The following ESRRB variants were observed in gnomAD, a reference collection of about 807,000 sequenced individuals.
ESRRB encodes estrogen related receptor beta, also known as steroid hormone receptor ERR2.
In ESRRB, 16 loss-of-function variants were observed where a neutral mutation model predicts 46.0. The observed-to-expected ratio is 0.35, with a 90% CI of 0.24 to 0.53. The LOEUF is 0.53. Ranked by LOEUF, ESRRB falls within the 20% of genes least tolerant of loss-of-function variation. The pLI is 0.93. For synonymous variants in ESRRB, 246 were observed against 259.6 expected, an observed-to-expected ratio of 0.95 and a Z score of 0.50; for missense variants, 488 against 607.4, an observed-to-expected ratio of 0.80 and a Z score of 2.07.
intron 1 of ESRRB, among the ~76,000 whole-genome samples, chr14:76,354,779 A>G (rs1265517495): frequency 6.9e-6 from 1 of 145,206 alleles, no homozygotes; most frequent in Non-Finnish European, 1.5e-5. Context: ...GCTCGATCTC[A>G]GCTCACTGCA....
chr14:76,441,294 AC>A (rs1887912410), intron 2 of ESRRB, among the ~76,000 whole-genome samples: 1 of 152,200 alleles, frequency 6.6e-6, no homozygotes, highest in Non-Finnish European at 1.5e-5. Context: ...TTCTGTGGGT[AC>A]TAGAGTCAAT....
At chr14:76,411,828 T>C (rs1886456461) in intron 1 of ESRRB, among the ~76,000 whole-genome samples, 1 of 152,230 alleles carries the variant, frequency 6.6e-6, no homozygotes, top group Non-Finnish European at 1.5e-5. Flanking sequence ...ATCTGCTCTG[T>C]GCAATTTGCC....
chr14:76,377,308 T>A (rs914532415), intron 1 of ESRRB, among the ~76,000 whole-genome samples: 7 of 152,180 alleles, frequency 4.6e-5, no homozygotes, highest in Middle Eastern at 3.4e-3. Flanking sequence ...CAGCGGGTGG[T>A]CAACCCGCGT....
At chr14:76,400,105 T>C (rs1255290164) in intron 1 of ESRRB, among the ~76,000 whole-genome samples, 1 of 152,206 alleles carries the variant, frequency 6.6e-6, no homozygotes, top group Non-Finnish European at 1.5e-5. Context: ...AGAGTCTAGC[T>C]GGGGGCAGAA....
chr14:76,442,040 T>G (rs1482102197), intron 2 of ESRRB, among the ~76,000 whole-genome samples: 3 of 152,354 alleles, frequency 2.0e-5, no homozygotes, highest in Admixed American at 6.5e-5. Flanking sequence ...TGGATATATT[T>G]CCACTTCCAC....
intron 1 of ESRRB, among the ~76,000 whole-genome samples, chr14:76,327,502 G>A (rs957921282): frequency 6.6e-6 from 1 of 152,020 alleles, no homozygotes; most frequent in African/African-American, 2.4e-5. Flanking sequence ...TGATGATGAT[G>A]ATGATGATGA....
chr14:76,484,617 C>T (rs1889933007), intron 5 of ESRRB, among the ~76,000 whole-genome samples: 1 of 152,220 alleles, frequency 6.6e-6, no homozygotes, highest in Non-Finnish European at 1.5e-5. Flanking sequence ...AACCCCACCC[C>T]TGCAACACCA....
intron 3 of ESRRB, among the ~76,000 whole-genome samples, chr14:76,465,198 A>C (rs1889054635): frequency 6.6e-6 from 1 of 151,900 alleles, no homozygotes; most frequent in Non-Finnish European, 1.5e-5. Context: ...CCTCAGTCAC[A>C]CATTCATCTG....
At chr14:76,360,163 C>A (rs1414716509) in intron 1 of ESRRB, among the ~76,000 whole-genome samples, 1 of 152,154 alleles carries the variant, frequency 6.6e-6, no homozygotes, top group South Asian at 2.1e-4. Context: ...GGAGAGTGCC[C>A]TGCTGGCTGA....
intron 1 of ESRRB, among the ~76,000 whole-genome samples, chr14:76,343,515 A>G (rs544643508): frequency 6.6e-6 from 1 of 152,352 alleles, no homozygotes; most frequent in African/African-American, 2.4e-5. Flanking sequence ...TGCAGTATCA[A>G]GCTGGGGTGG....
At chr14:76,438,011 G>A (rs1566898203) in intron 1 of ESRRB, among the ~76,000 whole-genome samples, 1 of 152,146 alleles carries the variant, frequency 6.6e-6, no homozygotes, top group Non-Finnish European at 1.5e-5. Context: ...ATAGCTGGGG[G>A]ATGCTCAGGG....
chr14:76,490,656 A>T (rs1029713068), intron 5 of ESRRB, among the ~76,000 whole-genome samples: 6 of 152,200 alleles, frequency 3.9e-5, no homozygotes, highest in Admixed American at 3.3e-4. Context: ...ACAGTGTCAC[A>T]GTTCTGGAGC....
rs58721828 is a variant in ESRRB, at chr14:76,473,944, G to A, written c.578-8072G>A. On this transcript the variant is annotated intron_variant, in intron 3 of 6. Transcript: ENST00000644823. ...TATTTTTTGTGCCCTGAGCTGGGAA[G>A]TGGGCTTGGCCCCCACAGGCACGAG... Among the ~76,000 whole-genome samples, 619 of 152,352 alleles carry A rather than the reference G, an allele frequency of 4.1e-3. 4 individuals carry two copies. The highest frequency in any genetic ancestry group is 0.014 in the African/African-American group (597 of 41,590).
rs56174753 is a variant in ESRRB, at chr14:76,332,622, A to T, written c.2+21706A>T. On this transcript the variant is annotated intron_variant, in intron 1 of 6. Transcript: ENST00000512784. The stretch of plus-strand genomic sequence containing the variant: ...ATATTATATATTTATATATTATATA[A>T]ATATATATTATATATATTTATATAT... Among the ~76,000 whole-genome samples the T allele has an allele frequency of 5.4e-3, 207 of 38,486 alleles. 6 individuals carry two copies. The highest frequency in any genetic ancestry group is 0.024 in the African/African-American group (175 of 7,276). 25.2% of individuals were successfully genotyped at this position (38,486 alleles called of 152,430 possible).
intron 1 of ESRRB, among the ~76,000 whole-genome samples, chr14:76,363,880 T>C (rs1312686250): frequency 6.6e-6 from 1 of 152,224 alleles, no homozygotes; most frequent in African/African-American, 2.4e-5. Flanking sequence ...AGACTTGGGT[T>C]CTAATCCCAG....
chr14:76,462,969 G>T (rs1282504809), intron 3 of ESRRB, among the ~76,000 whole-genome samples: 1 of 152,190 alleles, frequency 6.6e-6, no homozygotes, highest in Admixed American at 6.5e-5. Flanking sequence ...CCCTAGGAGG[G>T]GTAGGCTTAA....
At chr14:76,338,999 G>A (rs980098102) in intron 1 of ESRRB, among the ~76,000 whole-genome samples, 6 of 152,090 alleles carry the variant, frequency 3.9e-5, no homozygotes, top group African/African-American at 7.2e-5. Flanking sequence ...TGGATAATAT[G>A]TTGTTACCTG....
intron 2 of ESRRB, among the ~76,000 whole-genome samples, chr14:76,442,913 C>A (rs558754456): frequency 1.3e-5 from 2 of 149,064 alleles, no homozygotes; most frequent in Non-Finnish European, 3.0e-5. Context: ...CTCCTGGGTT[C>A]AAGTGATTCT....
chr14:76,338,290 A>C (rs892676957), intron 1 of ESRRB, among the ~76,000 whole-genome samples: 8 of 152,132 alleles, frequency 5.3e-5, no homozygotes, highest in Non-Finnish European at 8.8e-5. Flanking sequence ...CCGGGTGGGC[A>C]TGGAGCGAGC....
Sources: allele counts gnomAD v4.1 joint callset (sites outside exome capture counted in the v4.1 genomes callset), GRCh38; gene constraint gnomAD v4.1.1; transcripts MANE v1.5; gene names NCBI Gene and HGNC (gene_info 2026-07-23, HGNC 2026-07-21).